Variants in DIAPH2 observed in about 807,000 individuals in gnomAD.
DIAPH2 encodes the protein diaphanous related formin 2, also known as protein diaphanous homolog 2.
DIAPH2 carries 35 observed loss-of-function variants against 92.7 expected under a neutral mutation model. That is an observed-to-expected ratio of 0.38 (90% CI 0.29 to 0.50). The LOEUF is 0.50. Ranked by LOEUF, DIAPH2 falls within the 20% of genes least tolerant of loss-of-function variation. The probability of loss-of-function intolerance (pLI) is 0.94; values close to 1 mark genes in which losing one functional copy is unlikely to be tolerated. For synonymous variants in DIAPH2, 301 were observed against 280.4 expected, an observed-to-expected ratio of 1.07 and a Z score of -0.73; for missense variants, 701 against 819.5, an observed-to-expected ratio of 0.86 and a Z score of 1.77.
intron 1 of DIAPH2, among the ~76,000 whole-genome samples, chrX:96,733,249 G>A (rs966226007): frequency 1.4e-4 from 16 of 112,029 alleles, no homozygotes; most frequent in Non-Finnish European, 2.6e-4. Context: ...GCTAAATCTT[G>A]TTCAGGAGTG....
At chrX:97,372,865 T>C (rs912409906) in intron 24 of DIAPH2, among the ~76,000 whole-genome samples, 13 of 110,563 alleles carry the variant, frequency 1.2e-4, no homozygotes, top group African/African-American at 3.6e-4. Flanking sequence ...TAGTCCCAGC[T>C]ACTCAGGAGG....
At chrX:97,497,354 C>G (rs1275184571) in intron 26 of DIAPH2, among the ~76,000 whole-genome samples, 1 of 110,802 alleles carries the variant, frequency 9.0e-6, no homozygotes, top group African/African-American at 3.3e-5. Context: ...CCCCCACCCC[C>G]ACGCCTCCCT....
chrX:97,418,511 C>T (rs905748479), intron 25 of DIAPH2, among the ~76,000 whole-genome samples: 1 of 112,247 alleles, frequency 8.9e-6, no homozygotes, highest in Non-Finnish European at 1.9e-5. Flanking sequence ...CTGTGCTTGG[C>T]ACTGAAGAAG....
At chrX:97,451,523 A>G (rs1414722076) in intron 26 of DIAPH2, among the ~76,000 whole-genome samples, 1 of 111,831 alleles carries the variant, frequency 8.9e-6, no homozygotes, top group Non-Finnish European at 1.9e-5. Context: ...ATGATGCCGA[A>G]TTTAAGTTGT....
chrX:96,823,705 G>A (rs967508072), intron 4 of DIAPH2, among the ~76,000 whole-genome samples: 3 of 110,701 alleles, frequency 2.7e-5, no homozygotes, highest in African/African-American at 9.8e-5. Flanking sequence ...TCTCAGTGTT[G>A]CAATTAATGA....
chrX:97,312,937 G>A (rs987009090), intron 23 of DIAPH2, among the ~76,000 whole-genome samples: 23 of 110,418 alleles, frequency 2.1e-4, no homozygotes, highest in Middle Eastern at 4.7e-3. Flanking sequence ...CCAGCACTTC[G>A]GGAGGCTGAG....
intron 4 of DIAPH2, among the ~76,000 whole-genome samples, chrX:96,761,097 C>T (rs933428232): frequency 9.0e-6 from 1 of 110,764 alleles, no homozygotes; most frequent in Non-Finnish European, 1.9e-5. Flanking sequence ...GTTGTCCTAC[C>T]GATTGGTAAT....
chrX:97,487,055 T>C lies in DIAPH2; in HGVS notation c.3241+57310T>C, dbSNP rs147981732. ...TGCCTGTCTTACTTCACTTAGCATA[T>C]GTCTCCAGGTTCAACCATGTTGTCA... On this transcript the variant is annotated intron_variant, in intron 26 of 26. Transcript: ENST00000324765. Among the ~76,000 whole-genome samples the C allele has an allele frequency of 3.0e-3, 339 of 112,242 alleles. 1 individual carries two copies. The highest frequency in any genetic ancestry group is 8.9e-3 in the African/African-American group (274 of 30,891).
At chrX:97,441,498 CT>C (rs889193605) in intron 26 of DIAPH2, among the ~76,000 whole-genome samples, 8 of 111,026 alleles carry the variant, frequency 7.2e-5, no homozygotes, top group Non-Finnish European at 1.3e-4. Flanking sequence ...TTTCCATTTT[CT>C]TTTTATTTTT....
intron 23 of DIAPH2, among the ~76,000 whole-genome samples, chrX:97,258,105 G>A (rs1382443856): frequency 8.9e-6 from 1 of 111,808 alleles, no homozygotes; most frequent in Admixed American, 9.5e-5. Flanking sequence ...TGCTTGTAGA[G>A]TAAGCAGGAT....
chrX:97,179,220 G>A (rs1426783121), intron 22 of DIAPH2, among the ~76,000 whole-genome samples: 1 of 104,582 alleles, frequency 9.6e-6, no homozygotes, highest in East Asian at 3.0e-4. Flanking sequence ...CTGTGATCCT[G>A]TACTCTGAGT....
chrX:97,123,607 G>T (rs1404853694), intron 21 of DIAPH2, among the ~76,000 whole-genome samples: 1 of 112,075 alleles, frequency 8.9e-6, no homozygotes, highest in Non-Finnish European at 1.9e-5. Flanking sequence ...TCAGTCATCT[G>T]ATTTCTCCAC....
intron 17 of DIAPH2, among the ~76,000 whole-genome samples, chrX:97,043,337 G>A (rs2066459962): frequency 2.7e-5 from 3 of 110,974 alleles, no homozygotes; most frequent in Admixed American, 9.6e-5. Flanking sequence ...TTTAGTTGCC[G>A]TGTAATAAAA....
intron 17 of DIAPH2, among the ~76,000 whole-genome samples, chrX:97,005,749 A>C (rs1367527642): frequency 1.8e-5 from 2 of 110,279 alleles, no homozygotes; most frequent in Non-Finnish European, 3.8e-5. Flanking sequence ...CCGTGTTAGC[A>C]AGGATGGTCT....
At chrX:97,483,833 T>C (rs2070669034) in intron 26 of DIAPH2, among the ~76,000 whole-genome samples, 1 of 111,909 alleles carries the variant, frequency 8.9e-6, no homozygotes, top group Non-Finnish European at 1.9e-5. Flanking sequence ...AGTGAGACAT[T>C]AAATTTTCTG....
intron 22 of DIAPH2, among the ~76,000 whole-genome samples, chrX:97,172,985 AG>A (rs2067465393): frequency 8.9e-6 from 1 of 112,479 alleles, no homozygotes; most frequent in Non-Finnish European, 1.9e-5. Flanking sequence ...CCATAATTTA[AG>A]GTTCAGTTAA....
At chrX:97,133,767 T>C (rs1283194618) in intron 21 of DIAPH2, among the ~76,000 whole-genome samples, 3 of 112,308 alleles carry the variant, frequency 2.7e-5, no homozygotes, top group Non-Finnish European at 5.6e-5. Context: ...TATCAGCATA[T>C]GCCAGGGCCA....
chrX:97,181,328 C>T (rs1310717872), intron 22 of DIAPH2, among the ~76,000 whole-genome samples: 1 of 110,865 alleles, frequency 9.0e-6, no homozygotes, highest in African/African-American at 3.3e-5. Context: ...GCCTCGGCCT[C>T]CCAACATACT....
At chrX:97,131,830 C>T (rs2147398126) in intron 21 of DIAPH2, among the ~76,000 whole-genome samples, 1 of 112,330 alleles carries the variant, frequency 8.9e-6, no homozygotes, top group Admixed American at 9.4e-5. Flanking sequence ...AACAGCTTTT[C>T]TTTGCATAGA....
Sources: allele counts gnomAD v4.1 joint callset (sites outside exome capture counted in the v4.1 genomes callset), GRCh38; gene constraint gnomAD v4.1.1; transcripts MANE v1.5; gene names NCBI Gene and HGNC (gene_info 2026-07-23, HGNC 2026-07-21).